The following MYT1L variants were observed in gnomAD, a reference collection of about 807,000 sequenced individuals.
MYT1L encodes the protein myelin transcription factor 1 like.
In MYT1L, 12 loss-of-function variants were observed where a neutral mutation model predicts 126.7. That is an observed-to-expected ratio of 0.09 (90% CI 0.06 to 0.15). The LOEUF is 0.15. Ranked by LOEUF, MYT1L falls within the 10% of genes least tolerant of loss-of-function variation. The pLI, the probability that MYT1L is intolerant of heterozygous loss-of-function variation, is 1.00. For missense variants in MYT1L, 979 were observed against 1,585.2 expected (o/e 0.62, Z 6.49); for synonymous variants, 541 against 604.2 (o/e 0.90, Z 1.53).
chr2:1,892,809 G>T (rs1224887779), intron 14 of MYT1L, among the ~76,000 whole-genome samples: 2 of 152,134 alleles, frequency 1.3e-5, no homozygotes, highest in East Asian at 3.9e-4. Flanking sequence ...TCAGCCAGAG[G>T]GGCCCCGGCA....
At chr2:2,319,405 T>C (rs942975793) in intron 1 of MYT1L, 1 of 152,070 alleles carries the variant, frequency 6.6e-6, no homozygotes, top group African/African-American at 2.4e-5. Context: ...CTTGCTGCGT[T>C]GGAACTCTGC....
At chr2:2,082,026 C>T (rs1181703911) in intron 3 of MYT1L, among the ~76,000 whole-genome samples, 1 of 152,094 alleles carries the variant, frequency 6.6e-6, no homozygotes, top group African/African-American at 2.4e-5. Context: ...CAGGTGTGAG[C>T]CACCACACCC....
At chr2:2,053,721 T>C (rs1053944816) in intron 4 of MYT1L, among the ~76,000 whole-genome samples, 1 of 152,204 alleles carries the variant, frequency 6.6e-6, no homozygotes, top group Non-Finnish European at 1.5e-5. Context: ...TGCTTATCAA[T>C]TCTTCTTTTG....
intron 21 of MYT1L, among the ~76,000 whole-genome samples, chr2:1,819,513 T>C (rs1376480905): frequency 6.6e-6 from 1 of 152,178 alleles, no homozygotes; most frequent in African/African-American, 2.4e-5. Flanking sequence ...GCTGAGTTTA[T>C]ACCCAGGCCA....
At chr2:2,206,685 C>T (rs1464866423) in intron 2 of MYT1L, among the ~76,000 whole-genome samples, 1 of 152,214 alleles carries the variant, frequency 6.6e-6, no homozygotes, top group East Asian at 1.9e-4. Context: ...AGGTTAGATG[C>T]TACATTGCCA....
At chr2:2,015,356 C>T (rs1164855763) in intron 4 of MYT1L, among the ~76,000 whole-genome samples, 8 of 152,168 alleles carry the variant, frequency 5.3e-5, no homozygotes, top group African/African-American at 9.6e-5. Flanking sequence ...AAAAAGGCCA[C>T]GTTCTTGCAT....
At chr2:1,893,244 T>C (rs187974163) in intron 14 of MYT1L, among the ~76,000 whole-genome samples, 15 of 152,332 alleles carry the variant, frequency 9.8e-5, no homozygotes, top group Admixed American at 8.5e-4. Context: ...GATGGGTCCT[T>C]CTTTACTAAT....
chr2:2,074,667 CATGAGCTAA>C (rs2075012963), intron 3 of MYT1L, among the ~76,000 whole-genome samples: 1 of 152,144 alleles, frequency 6.6e-6, no homozygotes, highest in Non-Finnish European at 1.5e-5. Context: ...GAGAGGTGGA[CATGAGCTAA>C]AATGACCATG....
chr2:2,295,663 C>CAGAGAGAGAGAGAGAGACAGACAG (rs1559584644), intron 1 of MYT1L, among the ~76,000 whole-genome samples: 1 of 32,194 alleles, frequency 3.1e-5, no homozygotes, highest in Non-Finnish European at 5.9e-5. Flanking sequence ...GACAGACAGA[C>CAGAGAGAGAGAGAGAGACAGACAG]AGAGAGAGAG....
rs2052125675 is a variant in MYT1L at position 1,912,254 on chromosome 2, C to T, written c.1619-144G>A. ...TTTGTGATGGGCATGGCCAGGAAAA[C>T]ACACATGGGAGGAGAAAGAAGGTTG... On this transcript the variant is annotated intron_variant, in intron 11 of 24. Transcript: ENST00000647738. This position sits in a 1 kb window ranked among gnomAD's most constrained non-coding sequence, Gnocchi z 4.3. The T allele has an allele frequency of 3.8e-6, 2 of 524,926 alleles. No individual in the cohort carries two copies. Among genetic ancestry groups the T allele is most frequent in the Middle Eastern group, 2.8e-4 (1 of 3,562 alleles). 32.5% of individuals were successfully genotyped at this position (524,926 alleles called of 1,614,324 possible).
chr2:1,933,973 T>A (rs1346616137), intron 9 of MYT1L, among the ~76,000 whole-genome samples: 4 of 143,426 alleles, frequency 2.8e-5, no homozygotes, highest in East Asian at 2.0e-4. Flanking sequence ...ATTTTGATTT[T>A]TTTTTTTTTT....
chr2:2,259,258 G>T (rs987091875), intron 2 of MYT1L, among the ~76,000 whole-genome samples: 1 of 107,506 alleles, frequency 9.3e-6, no homozygotes, highest in Non-Finnish European at 1.8e-5. Flanking sequence ...GTCGGGGGAG[G>T]GGGGAGGGAT....
chr2:2,145,276 A>G (rs2084705426), intron 3 of MYT1L, among the ~76,000 whole-genome samples: 1 of 152,234 alleles, frequency 6.6e-6, no homozygotes, highest in Non-Finnish European at 1.5e-5. Flanking sequence ...AGATGCCTCC[A>G]TGGCCGTCTG....
At chr2:2,125,506 G>C (rs1405005752) in intron 3 of MYT1L, among the ~76,000 whole-genome samples, 1 of 152,178 alleles carries the variant, frequency 6.6e-6, no homozygotes, top group Non-Finnish European at 1.5e-5. Flanking sequence ...GTGTATTGCT[G>C]TGGTTAGGTG....
rs775116676 is a variant in MYT1L at position 1,979,624 on chromosome 2, C to T, written c.56-70G>A. 9 of 1,601,544 alleles carry T rather than the reference C, an allele frequency of 5.6e-6. No individual in the cohort carries two copies. Among genetic ancestry groups the T allele is most frequent in the Non-Finnish European group, 7.7e-6 (9 of 1,168,850 alleles). On this transcript the variant is annotated intron_variant, in intron 6 of 24. Transcript: ENST00000647738. This position sits in a 1 kb window ranked among gnomAD's most constrained non-coding sequence, Gnocchi z 4.0. ...GCGACCCTCTTCCACAGAAAATTACCAAAAGGGTGGCATGAAAGTGGGGTC... is the reference window on the plus strand; with the variant it reads ...GCGACCCTCTTCCACAGAAAATTACTAAAAGGGTGGCATGAAAGTGGGGTC...
chr2:1,934,695 C>T (rs984464076), intron 9 of MYT1L, among the ~76,000 whole-genome samples: 2 of 151,382 alleles, frequency 1.3e-5, no homozygotes, highest in African/African-American at 4.9e-5. Flanking sequence ...CTCTTTCTCT[C>T]TCTCTTCCCC....
chr2:1,799,496 G>A (rs1331921212), intron 23 of MYT1L, among the ~76,000 whole-genome samples: 1 of 152,176 alleles, frequency 6.6e-6, no homozygotes, highest in African/African-American at 2.4e-5. Flanking sequence ...GGACAGCCAC[G>A]GAGCAGCAGG....
intron 2 of MYT1L, among the ~76,000 whole-genome samples, chr2:2,219,625 C>G (rs1176360993): frequency 2.6e-5 from 4 of 152,134 alleles, no homozygotes; most frequent in Non-Finnish European, 5.9e-5. Flanking sequence ...GTGTTTTTAC[C>G]TTTCTCAGCA....
At chr2:2,149,779 G>T (rs547403495) in intron 3 of MYT1L, among the ~76,000 whole-genome samples, 1 of 151,634 alleles carries the variant, frequency 6.6e-6, no homozygotes, top group African/African-American at 2.4e-5. Flanking sequence ...AAATTAGGCT[G>T]CCATCCCAGG....
Sources: gnomAD v4.1 joint callset for allele counts (sites outside exome capture counted in the v4.1 genomes callset) on GRCh38, gnomAD v4.1.1 for gene constraint, Gnocchi (gnomAD v3.1) non-coding constraint, MANE v1.5 for transcripts, NCBI Gene and HGNC (gene_info 2026-07-23, HGNC 2026-07-21) for gene names.